Variants in SPACA7 observed in about 807,000 individuals in gnomAD.
SPACA7 encodes sperm acrosome-associated protein 7.
SPACA7 carries 19 observed loss-of-function variants against 26.3 expected under a neutral mutation model. That is an observed-to-expected ratio of 0.72 (90% CI 0.50 to 1.06). The LOEUF (loss-of-function observed/expected upper bound fraction) is 1.06. SPACA7 is among the 50% of genes least tolerant of loss of function. The probability of loss-of-function intolerance (pLI) is 0.00; values close to 1 mark genes in which losing one functional copy is unlikely to be tolerated. For missense variants in SPACA7, 211 were observed against 229.9 expected (o/e 0.92, Z 0.53); for synonymous variants, 84 against 84.5 (o/e 0.99, Z 0.04).
At chr13:112,415,361 C>T (rs930258737) in intron 5 of SPACA7, among the ~76,000 whole-genome samples, 16 of 152,178 alleles carry the variant, frequency 1.1e-4, no homozygotes, top group Admixed American at 2.0e-4. Context: ...GATGTTTATT[C>T]GAGGCTCACG....
intron 5 of SPACA7, among the ~76,000 whole-genome samples, chr13:112,428,644 G>C (rs1261900497): frequency 1.3e-5 from 2 of 152,102 alleles, no homozygotes; most frequent in Non-Finnish European, 2.9e-5. Flanking sequence ...ATATTTGGAG[G>C]TTTTTTCCAG....
intron 5 of SPACA7, among the ~76,000 whole-genome samples, chr13:112,431,822 C>T (rs930364138): frequency 6.6e-6 from 1 of 152,194 alleles, no homozygotes; most frequent in Non-Finnish European, 1.5e-5. Flanking sequence ...AAATGTGCCT[C>T]CCAGGCTGGT....
intron 6 of SPACA7, 139 bp downstream of exon 6, chr13:112,432,660 C>A: frequency 1.5e-6 from 1 of 645,674 alleles, no homozygotes; most frequent in Non-Finnish European, 2.8e-6. Context: ...TCCACAGGAG[C>A]CCCTGTCCAA....
intron 4 of SPACA7, 79 bp from the exon 5 acceptor site, chr13:112,400,990 A>G: frequency 9.6e-7 from 1 of 1,042,558 alleles, no homozygotes; most frequent in East Asian, 2.4e-5. Flanking sequence ...TAGCATGTTT[A>G]AATAAATAAA....
At chr13:112,396,256 C>T (rs115444357) in intron 2 of SPACA7, among the ~76,000 whole-genome samples, 5,689 of 152,036 alleles carry the variant, frequency 0.037, 328 homozygotes, top group African/African-American at 0.13. Flanking sequence ...ACAGCCCATC[C>T]ACCATGGACG....
In SPACA7 at chr13:112,401,215, G is replaced by A. The variant is rs1223698444; in HGVS notation, c.445+51G>A. 6 of 1,429,160 alleles carry A rather than the reference G, an allele frequency of 4.2e-6. No individual in the cohort carries two copies. The East Asian group carries it at 1.1e-4, about 27-fold the overall frequency. The allele number at this position is 1,429,160 out of a possible 1,614,324, so 88.5% of individuals were successfully genotyped here. A position where few individuals can be genotyped will look rare whatever the true frequency, so the allele number is the denominator to read the frequency against. On this transcript the variant is annotated intron_variant, in intron 5 of 6. Coordinates refer to ENST00000283550, the MANE Select transcript of SPACA7 (RefSeq NM_145248.5). ...AGCTCTGTGGGAGAGACGGAGGCAT[G>A]AGTGTGTGAGGTGACTGTCTCCCTC...
At chr13:112,420,604 A>G (rs1346839573) in intron 5 of SPACA7, among the ~76,000 whole-genome samples, 3 of 152,162 alleles carry the variant, frequency 2.0e-5, no homozygotes, top group African/African-American at 7.2e-5. Flanking sequence ...TCACATACAT[A>G]TCATTGAAAT....
intron 1 of SPACA7, among the ~76,000 whole-genome samples, chr13:112,392,811 G>A (rs1347422674): frequency 6.6e-6 from 1 of 152,148 alleles, no homozygotes; most frequent in East Asian, 1.9e-4. Context: ...GGAGGTGGCT[G>A]TTTCTCCGCA....
chr13:112,425,670 A>T (rs971886844), intron 5 of SPACA7, among the ~76,000 whole-genome samples: 1 of 152,194 alleles, frequency 6.6e-6, no homozygotes, highest in Non-Finnish European at 1.5e-5. Context: ...GAGACAAAGA[A>T]GATGTGTGAG....
intron 5 of SPACA7, among the ~76,000 whole-genome samples, chr13:112,430,959 T>C (rs1284616237): frequency 2.0e-5 from 3 of 152,244 alleles, no homozygotes. Context: ...TGAAATCATT[T>C]TGAGTATGAA....
chr13:112,408,868 A>G (rs1886163259), intron 5 of SPACA7, among the ~76,000 whole-genome samples: 1 of 152,228 alleles, frequency 6.6e-6, no homozygotes, highest in African/African-American at 2.4e-5. Flanking sequence ...AAACTACTTT[A>G]AAGTTCATAT....
At chr13:112,413,906 G>A (rs1886512868) in intron 5 of SPACA7, among the ~76,000 whole-genome samples, 1 of 152,188 alleles carries the variant, frequency 6.6e-6, no homozygotes, top group African/African-American at 2.4e-5. Flanking sequence ...AGGAAGCATG[G>A]TGCCAGCATC....
At chr13:112,395,056 G>A (rs1352494519) in intron 2 of SPACA7, among the ~76,000 whole-genome samples, 1 of 152,186 alleles carries the variant, frequency 6.6e-6, no homozygotes. Flanking sequence ...GCTTGCTGTG[G>A]GAGGGCAGTC....
intron 2 of SPACA7, among the ~76,000 whole-genome samples, chr13:112,397,682 C>G (rs1885365123): frequency 3.3e-5 from 5 of 152,170 alleles, no homozygotes; most frequent in Admixed American, 3.3e-4. Context: ...GAGCGACGCT[C>G]ACTCACACAC....
chr13:112,383,026 A>AAGAGAGAGAGAAAG (rs1555324356), intron 1 of SPACA7, among the ~76,000 whole-genome samples: 23 of 95,220 alleles, frequency 2.4e-4, no homozygotes, highest in Admixed American at 1.2e-3. Flanking sequence ...GAAAGAAAGA[A>AAGAGAGAGAGAAAG]AGAGAGAGAG....
At chr13:112,376,529 G>A in intron 1 of SPACA7, 50 bp downstream of exon 1, 1 of 1,574,170 alleles carries the variant, frequency 6.4e-7, no homozygotes, top group Non-Finnish European at 8.6e-7. Flanking sequence ...AACCAGGTGG[G>A]GAGCGGCGGC....
intron 1 of SPACA7, among the ~76,000 whole-genome samples, chr13:112,383,211 GA>G (rs1209018456): frequency 3.5e-5 from 5 of 141,552 alleles, no homozygotes; most frequent in Admixed American, 1.4e-4. Flanking sequence ...AGAAAGAAAG[GA>G]AAGAAGGAAG....
At chr13:112,432,311 C>A in intron 5 of SPACA7, 133 bp from the exon 6 acceptor site, 1 of 641,770 alleles carries the variant, frequency 1.6e-6, no homozygotes, top group Non-Finnish European at 2.8e-6. Flanking sequence ...AGCTGCAGCA[C>A]CTCACCCCGC....
chr13:112,379,557 G>T (rs899195603), intron 1 of SPACA7, among the ~76,000 whole-genome samples: 1 of 152,130 alleles, frequency 6.6e-6, no homozygotes. Flanking sequence ...GGACAGTAAG[G>T]ACAGTGAAAA....
Sources: allele counts gnomAD v4.1 joint callset (sites outside exome capture counted in the v4.1 genomes callset), GRCh38; gene constraint gnomAD v4.1.1; transcripts MANE v1.5; gene names NCBI Gene and HGNC (gene_info 2026-07-23, HGNC 2026-07-21).